Variants in TENM3 observed in about 807,000 individuals in gnomAD.
TENM3 encodes teneurin transmembrane protein 3.
Under a neutral mutation model 255.1 loss-of-function variants are expected in TENM3, and 63 were observed. That is an observed-to-expected ratio of 0.25 (90% CI 0.20 to 0.30). TENM3 has a LOEUF of 0.30. Ranked by LOEUF, TENM3 falls within the 10% of genes least tolerant of loss-of-function variation. The pLI, the probability that TENM3 is intolerant of heterozygous loss-of-function variation, is 1.00. For missense variants in TENM3, 2,929 were observed against 3,461.1 expected (o/e 0.85, Z 3.86); for synonymous variants, 1,306 against 1,322.3 (o/e 0.99, Z 0.27).
rs891688979 is a variant in TENM3 at position 182,631,448 on chromosome 4, G to A, written c.988+2559G>A. On this transcript the variant is annotated intron_variant, in intron 5 of 27. Coordinates refer to ENST00000511685, the MANE Select transcript of TENM3 (RefSeq NM_001080477.4). ...ACACAATGATTTTATTTTTAATCAGGTAAAAAAATTTCATTCGCTCATCAG... is the reference window on the plus strand; with the variant it reads ...ACACAATGATTTTATTTTTAATCAGATAAAAAAATTTCATTCGCTCATCAG... The A allele has an allele frequency of 2.0e-5, 3 of 152,186 alleles. No individual in the cohort carries two copies. In the East Asian group the frequency reaches 5.8e-4, roughly 29 times the overall value. The allele number at this position is 152,186 out of a possible 1,614,324, so 9.4% of individuals were successfully genotyped here.
intron 3 of TENM3, among the ~76,000 whole-genome samples, chr4:182,393,125 G>A (rs1768552169): frequency 6.6e-6 from 1 of 152,096 alleles, no homozygotes; most frequent in South Asian, 2.1e-4. Flanking sequence ...ATAACTAACA[G>A]ACAACGTCTT....
chr4:182,244,492 G>C (rs984609693), intron 1 of TENM3, among the ~76,000 whole-genome samples: 4 of 152,180 alleles, frequency 2.6e-5, no homozygotes, highest in Non-Finnish European at 5.9e-5. Context: ...TTTGCATTCA[G>C]ATGCATTTAT....
At chr4:181,716,898 A>G in the TENM3 span, among the ~76,000 whole-genome samples, 6 of 152,198 alleles carry the variant, frequency 3.9e-5, no homozygotes, top group African/African-American at 1.2e-4. Flanking sequence ...CGCTCCCCCA[A>G]TACCTCACCA....
At chr4:182,123,384 T>A in the TENM3 span, among the ~76,000 whole-genome samples, 1 of 152,232 alleles carries the variant, frequency 6.6e-6, no homozygotes, top group Admixed American at 6.5e-5. Flanking sequence ...CCTTCCTCAC[T>A]AAGCTTAATC....
chr4:182,298,011 G>A (rs1198976455), intron 1 of TENM3, among the ~76,000 whole-genome samples: 2 of 152,156 alleles, frequency 1.3e-5, no homozygotes, highest in African/African-American at 4.8e-5. Flanking sequence ...GCACTTCCTC[G>A]GAGCCTGTAC....
the TENM3 span, among the ~76,000 whole-genome samples, chr4:181,476,140 G>A: frequency 5.3e-5 from 8 of 151,690 alleles, no homozygotes; most frequent in African/African-American, 1.9e-4. Flanking sequence ...CTTCCCTAGA[G>A]TAAGATGCAA....
chr4:181,894,866 GC>G, the TENM3 span, among the ~76,000 whole-genome samples: 1 of 152,142 alleles, frequency 6.6e-6, no homozygotes, highest in South Asian at 2.1e-4. Context: ...TGGTTGTAAT[GC>G]ATGCATATTT....
the TENM3 span, among the ~76,000 whole-genome samples, chr4:182,057,306 G>T: frequency 1.3e-5 from 2 of 150,066 alleles, no homozygotes; most frequent in Non-Finnish European, 3.0e-5. Flanking sequence ...GAGAGAGAGA[G>T]AGAGAAATTA....
the TENM3 span, among the ~76,000 whole-genome samples, chr4:181,902,337 T>A: frequency 6.6e-6 from 1 of 152,242 alleles, no homozygotes; most frequent in Non-Finnish European, 1.5e-5. Context: ...TTTCTTTTGC[T>A]GTGCAGAAGC....
the TENM3 span, among the ~76,000 whole-genome samples, chr4:181,883,346 G>T: frequency 6.6e-6 from 1 of 152,072 alleles, no homozygotes; most frequent in Admixed American, 6.5e-5. Flanking sequence ...GTGCATGTTA[G>T]CCATGCTCTA....
chr4:181,749,858 TGCTCTTAAAGGGGCTCCTTTAA>T, the TENM3 span, among the ~76,000 whole-genome samples: 1 of 152,094 alleles, frequency 6.6e-6, no homozygotes. Context: ...CTTAACAAGG[TGCTCTTAAAGGGGCTCCTTTAA>T]GAACCACCCA....
intron 1 of TENM3, among the ~76,000 whole-genome samples, chr4:182,225,796 G>T (rs550180774): frequency 6.6e-6 from 1 of 152,262 alleles, no homozygotes; most frequent in South Asian, 2.1e-4. Context: ...AGATAGCCTG[G>T]AGTCTGACAA....
the TENM3 span, among the ~76,000 whole-genome samples, chr4:182,130,195 T>A: frequency 1.3e-5 from 2 of 152,142 alleles, no homozygotes; most frequent in East Asian, 1.9e-4. Context: ...TTAGAGACAA[T>A]TTAGTTATCG....
At chr4:182,739,684 G>A (rs1761454328) in intron 18 of TENM3, among the ~76,000 whole-genome samples, 1 of 152,130 alleles carries the variant, frequency 6.6e-6, no homozygotes, top group Non-Finnish European at 1.5e-5. Flanking sequence ...CAGAGAGGGT[G>A]CATTTTAACC....
rs1205754923 is a variant in TENM3 at position 182,789,989 on chromosome 4, G to A, written c.5601+600G>A. ...AACTATGCATAGTATCAAAAATGGAGACTTAGAATTACACGTGTGCAAAAT... is the reference window on the plus strand; with the variant it reads ...AACTATGCATAGTATCAAAAATGGAAACTTAGAATTACACGTGTGCAAAAT... On this transcript the variant is annotated intron_variant, in intron 25 of 27. Transcript: ENST00000511685. The surrounding 1 kb of genome is among the most constrained non-coding windows in gnomAD (Gnocchi z 4.4). 2.6e-5 allele frequency among the ~76,000 whole-genome samples: 4 copies of A among 152,180 alleles called. No individual in the cohort carries two copies. Among genetic ancestry groups the A allele is most frequent in the Non-Finnish European group, 5.9e-5 (4 of 68,032 alleles).
the TENM3 span, among the ~76,000 whole-genome samples, chr4:181,690,395 G>T: frequency 2.6e-5 from 4 of 152,164 alleles, no homozygotes; most frequent in Non-Finnish European, 5.9e-5. Context: ...AATAACCATT[G>T]TCACTGCATC....
chr4:181,540,588 C>A, the TENM3 span, among the ~76,000 whole-genome samples: 1 of 152,178 alleles, frequency 6.6e-6, no homozygotes, highest in African/African-American at 2.4e-5. Flanking sequence ...CATGCCCTTT[C>A]TATATCATGA....
In TENM3 at chr4:182,181,625, A is replaced by G. The variant is rs368922026; in HGVS notation, c.-76+36871A>G. Among the ~76,000 whole-genome samples, 17 of 152,362 alleles carry G rather than the reference A, an allele frequency of 1.1e-4. 1 individual carries two copies. The South Asian group carries it at 3.5e-3, about 32-fold the overall frequency. On this transcript the variant is annotated intron_variant, in intron 1 of 2. Coordinates refer to the TENM3 transcript ENST00000512480. ...CAGTTTGACCCTGTGGTAGATGTTT[A>G]CTTTAAAATAGTTAACTGATTTTCA...
At chr4:182,307,926 TCTGTGC>T (rs1762228903) in intron 1 of TENM3, among the ~76,000 whole-genome samples, 1 of 152,248 alleles carries the variant, frequency 6.6e-6, no homozygotes, top group Non-Finnish European at 1.5e-5. Flanking sequence ...TGCCTTGCTC[TCTGTGC>T]CTGCTGGAAC....
Sources: gnomAD v4.1 joint callset for allele counts (sites outside exome capture counted in the v4.1 genomes callset) on GRCh38, gnomAD v4.1.1 for gene constraint, Gnocchi (gnomAD v3.1) non-coding constraint, MANE v1.5 for transcripts, NCBI Gene and HGNC (gene_info 2026-07-23, HGNC 2026-07-21) for gene names.